KCND2: variants seen among roughly 807,000 people sequenced by gnomAD.
The protein encoded by KCND2 is A-type voltage-gated potassium channel KCND2.
Under a neutral mutation model 54.4 loss-of-function variants are expected in KCND2, and 16 were observed. That is an observed-to-expected ratio of 0.29 (90% CI 0.20 to 0.45). KCND2 has a LOEUF of 0.45. KCND2 is among the 20% of genes least tolerant of loss of function. The pLI is 1.00. For synonymous variants in KCND2, 317 were observed against 310.7 expected (o/e 1.02, Z -0.21); for missense variants, 486 against 824.2 (o/e 0.59, Z 5.02).
At chr7:120,432,928 G>A (rs1005876901) in intron 1 of KCND2, among the ~76,000 whole-genome samples, 3 of 151,960 alleles carry the variant, frequency 2.0e-5, no homozygotes, top group Non-Finnish European at 4.4e-5. Context: ...AACCCTTCAC[G>A]GTTGCCCATC....
chr7:120,737,091 AAAC>A (rs1562924360), intron 2 of KCND2, among the ~76,000 whole-genome samples: 1 of 149,708 alleles, frequency 6.7e-6, no homozygotes, highest in Non-Finnish European at 1.5e-5. Context: ...AAAAAAAAAA[AAAC>A]AAAACAAAAA....
intron 1 of KCND2, among the ~76,000 whole-genome samples, chr7:120,491,472 A>G (rs1207601690): frequency 6.6e-6 from 1 of 152,170 alleles, no homozygotes; most frequent in Non-Finnish European, 1.5e-5. Context: ...GTCATCATGC[A>G]TAATCGAAAG....
intron 1 of KCND2, among the ~76,000 whole-genome samples, chr7:120,688,415 G>A (rs1792230364): frequency 6.6e-6 from 1 of 152,046 alleles, no homozygotes. Context: ...TCCCATATCA[G>A]CCATTTAAAA....
intron 1 of KCND2, among the ~76,000 whole-genome samples, chr7:120,390,182 A>G (rs967486526): frequency 6.6e-6 from 1 of 151,772 alleles, no homozygotes; most frequent in African/African-American, 2.4e-5. Flanking sequence ...CAGAATTTCA[A>G]AAATAATATA....
chr7:120,297,639 A>G (rs570815620), intron 1 of KCND2, among the ~76,000 whole-genome samples: 8 of 152,218 alleles, frequency 5.3e-5, no homozygotes, highest in African/African-American at 9.6e-5. Context: ...TCTCTGCATC[A>G]TTATTATTTT....
intron 1 of KCND2, among the ~76,000 whole-genome samples, chr7:120,383,736 T>G (rs1387337489): frequency 6.6e-6 from 1 of 152,026 alleles, no homozygotes. Flanking sequence ...ATATCTCAAC[T>G]CAGAAGAAAA....
intron 1 of KCND2, among the ~76,000 whole-genome samples, chr7:120,696,906 A>G (rs964247621): frequency 6.6e-6 from 1 of 152,230 alleles, no homozygotes; most frequent in African/African-American, 2.4e-5. Flanking sequence ...AAAATAGATT[A>G]AAACAGTCAG....
At chr7:120,495,633 T>C (rs1309102411) in intron 1 of KCND2, among the ~76,000 whole-genome samples, 1 of 152,202 alleles carries the variant, frequency 6.6e-6, no homozygotes, top group African/African-American at 2.4e-5. Flanking sequence ...AGATTATCTT[T>C]TTCCTAAATT....
chr7:120,644,851 T>A (rs1290609523), intron 1 of KCND2, among the ~76,000 whole-genome samples: 1 of 152,236 alleles, frequency 6.6e-6, no homozygotes, highest in Non-Finnish European at 1.5e-5. Context: ...GGTATAACTT[T>A]TATTGATAAT....
chr7:120,567,980 A>C (rs921781238), intron 1 of KCND2, among the ~76,000 whole-genome samples: 1 of 152,144 alleles, frequency 6.6e-6, no homozygotes, highest in Non-Finnish European at 1.5e-5. Context: ...ATTTTTGCAC[A>C]AAAGATTAAT....
intron 1 of KCND2, among the ~76,000 whole-genome samples, chr7:120,701,240 TAAAAAAAAAAAAAA>T (rs34803439): frequency 0.018 from 993 of 55,162 alleles, 25 homozygotes; most frequent in African/African-American, 0.05. Flanking sequence ...AATGCCTAGC[TAAAAAAAAAAAAAA>T]AAAAAAAAAA....
rs781756602 is a variant in KCND2 at position 120,274,686 on chromosome 7, G to A, written c.54G>A (p.Gly18=). The change falls in exon 1 of 6, where the codon GGG becomes GGA. Residue 18 remains glycine (G), a synonymous_variant. Transcript: ENST00000331113. ...WLPFARAAAI[G]WMPVASGPMP... ...CTTTTGCAAGGGCAGCGGCTATCGGGTGGATGCCTGTGGCCTCGGGGCCTA... is the reference window on the plus strand; with the variant it reads ...CTTTTGCAAGGGCAGCGGCTATCGGATGGATGCCTGTGGCCTCGGGGCCTA... 5 of 1,613,964 alleles carry A rather than the reference G, an allele frequency of 3.1e-6. No individual in the cohort carries two copies. The highest frequency in any genetic ancestry group is 1.7e-5 in the Admixed American group (1 of 60,004).
intron 1 of KCND2, among the ~76,000 whole-genome samples, chr7:120,505,856 G>A (rs802356): frequency 0.12 from 17,553 of 151,722 alleles, 1,605 homozygotes; most frequent in East Asian, 0.49. Flanking sequence ...CTGGGTGCAA[G>A]TTGTTCTTAT....
intron 1 of KCND2, among the ~76,000 whole-genome samples, chr7:120,624,474 A>C (rs950495151): frequency 6.6e-6 from 1 of 152,154 alleles, no homozygotes; most frequent in Non-Finnish European, 1.5e-5. Context: ...ACAGAAACAC[A>C]TGAAATTATT....
intron 1 of KCND2, among the ~76,000 whole-genome samples, chr7:120,407,468 A>C (rs1801379154): frequency 6.6e-6 from 1 of 152,036 alleles, no homozygotes; most frequent in Non-Finnish European, 1.5e-5. Context: ...GTGTTTAGGC[A>C]CATGGACTTT....
intron 1 of KCND2, among the ~76,000 whole-genome samples, chr7:120,522,361 A>G (rs1791709490): frequency 6.6e-6 from 1 of 152,166 alleles, no homozygotes; most frequent in Non-Finnish European, 1.5e-5. Flanking sequence ...TCAACCAAGG[A>G]CTTATGGCGT....
In KCND2 at chr7:120,583,115, T is replaced by G. The variant is rs150097102; in HGVS notation, c.1116-149788T>G. ...CTCATAGTTAAGATGGTATAGATAC[T>G]TGTAATCACGAGGTTAGTGGATAAG... On this transcript the variant is annotated intron_variant, in intron 1 of 5. Transcript: ENST00000331113. Among the ~76,000 whole-genome samples the G allele has an allele frequency of 3.3e-3, 507 of 152,238 alleles. 7 individuals are homozygous for G. Among genetic ancestry groups the G allele is most frequent in the Middle Eastern group, 0.024 (7 of 294 alleles).
intron 1 of KCND2, among the ~76,000 whole-genome samples, chr7:120,299,159 T>TA (rs879616979): frequency 3.2e-4 from 47 of 147,902 alleles, no homozygotes; most frequent in East Asian, 5.9e-4. Context: ...AAACTCTGTC[T>TA]AAAAAAAAAA....
intron 1 of KCND2, among the ~76,000 whole-genome samples, chr7:120,710,066 A>G (rs1584892271): frequency 6.6e-6 from 1 of 152,182 alleles, no homozygotes; most frequent in East Asian, 1.9e-4. Context: ...GGCCCTGTAT[A>G]CATTCACAGT....
Sources: gnomAD v4.1 joint callset for allele counts (sites outside exome capture counted in the v4.1 genomes callset) on GRCh38, gnomAD v4.1.1 for gene constraint, MANE v1.5 for transcripts, NCBI Gene and HGNC (gene_info 2026-07-23, HGNC 2026-07-21) for gene names.